Variants in ZPLD1 observed in about 807,000 individuals in gnomAD.
The protein encoded by ZPLD1 is zona pellucida-like domain-containing protein 1.
A neutral mutation model predicts 47.2 loss-of-function variants in ZPLD1; 34 were observed. The ratio of observed to expected loss-of-function variants is 0.72; its 90% CI spans 0.55 to 0.96. The LOEUF (loss-of-function observed/expected upper bound fraction) is 0.96, where lower values mean the gene tolerates loss of function less well. Ranked by LOEUF, ZPLD1 falls within the 40% of genes least tolerant of loss-of-function variation. ZPLD1 has a pLI of 0.00. For synonymous variants in ZPLD1, 176 were observed against 186.2 expected (o/e 0.95, Z 0.45); for missense variants, 512 against 505.8 (o/e 1.01, Z -0.12).
At chr3:102,408,486 G>A (rs767385533) in intron 7 of ZPLD1, among the ~76,000 whole-genome samples, 23 of 151,900 alleles carry the variant, frequency 1.5e-4, no homozygotes, top group Non-Finnish European at 2.9e-4. Context: ...AAAATTTAGC[G>A]AATAGATATT....
chr3:102,408,865 A>C (rs1000023668), intron 7 of ZPLD1, among the ~76,000 whole-genome samples: 1 of 151,810 alleles, frequency 6.6e-6, no homozygotes, highest in South Asian at 2.1e-4. Context: ...ATCAGTCTGG[A>C]AGTATAATAA....
intron 7 of ZPLD1, among the ~76,000 whole-genome samples, chr3:102,395,470 G>C (rs550636229): frequency 6.6e-6 from 1 of 152,170 alleles, no homozygotes. Flanking sequence ...ATGATGGAAA[G>C]GGGCCACAAG....
intron 6 of ZPLD1, among the ~76,000 whole-genome samples, chr3:102,389,039 C>A (rs1316493950): frequency 6.6e-6 from 1 of 152,142 alleles, no homozygotes; most frequent in Non-Finnish European, 1.5e-5. Flanking sequence ...TCTTTATCCC[C>A]ACATCATCAT....
intron 8 of ZPLD1, among the ~76,000 whole-genome samples, chr3:102,424,167 A>G (rs906921611): frequency 6.6e-6 from 1 of 152,180 alleles, no homozygotes; most frequent in Non-Finnish European, 1.5e-5. Flanking sequence ...ATTAATTACA[A>G]CATTGCATCA....
chr3:102,430,956 A>AT (rs1707009289), upstream of ZPLD1, among the ~76,000 whole-genome samples: 1 of 152,218 alleles, frequency 6.6e-6, no homozygotes, highest in Admixed American at 6.5e-5. Context: ...ATATGCTAGC[A>AT]TATCTTCAAA....
intron 6 of ZPLD1, among the ~76,000 whole-genome samples, chr3:102,389,022 T>C (rs1484714589): frequency 6.6e-6 from 1 of 152,200 alleles, no homozygotes; most frequent in Non-Finnish European, 1.5e-5. Context: ...TCTTCTGGGC[T>C]GTTTCTTCTT....
chr3:102,477,508 A>C lies in ZPLD1; in HGVS notation c.1138A>C (p.Ile380Leu). 1 of 1,613,868 alleles carries C rather than the reference A, an allele frequency of 6.2e-7. No homozygotes were observed. Among genetic ancestry groups the C allele is most frequent in the East Asian group, 2.2e-5 (1 of 44,878 alleles). The change falls in exon 12 of 12, where the codon ATT (isoleucine) becomes CTT (leucine). Residue 380 changes from isoleucine (I) to leucine (L), a missense_variant. Ile to Leu is a conservative substitution (Grantham distance 5). Coordinates refer to ENST00000466937, the MANE Select transcript of ZPLD1 (RefSeq NM_001329788.2). The part of the protein sequence containing the change: ...ITSALISGMV[I>L]LGVTSFSLLL... ...CAGCGCACTGATATCAGGAATGGTCATTCTGGGAGTTACGAGCTTTTCTCT... is the reference window on the plus strand; with the variant it reads ...CAGCGCACTGATATCAGGAATGGTCCTTCTGGGAGTTACGAGCTTTTCTCT...
At chr3:102,454,281 T>G (rs1707379936) in intron 4 of ZPLD1, among the ~76,000 whole-genome samples, 3 of 152,182 alleles carry the variant, frequency 2.0e-5, no homozygotes. Flanking sequence ...AAACGTTTAT[T>G]CAACTCTCTG....
intron 8 of ZPLD1, among the ~76,000 whole-genome samples, chr3:102,427,004 C>T (rs1341060080): frequency 6.6e-6 from 1 of 152,206 alleles, no homozygotes; most frequent in African/African-American, 2.4e-5. Flanking sequence ...CTGTTTGCTT[C>T]AACACCTTCC....
At chr3:102,455,163 A>G (rs1707393437) in intron 4 of ZPLD1, among the ~76,000 whole-genome samples, 1 of 152,254 alleles carries the variant, frequency 6.6e-6, no homozygotes. Context: ...TGTTAGGTTC[A>G]TGCATAAAGT....
At chr3:102,409,118 A>T (rs1706723339) in intron 7 of ZPLD1, among the ~76,000 whole-genome samples, 2 of 151,822 alleles carry the variant, frequency 1.3e-5, no homozygotes, top group Non-Finnish European at 2.9e-5. Context: ...TGGAAAGTTC[A>T]AGATCAAGGA....
intron 7 of ZPLD1, among the ~76,000 whole-genome samples, chr3:102,392,503 C>CCTTT (rs1363863113): frequency 2.9e-4 from 44 of 151,350 alleles, no homozygotes; most frequent in Middle Eastern, 3.4e-3. Flanking sequence ...GATCTCCCTT[C>CCTTT]CTTTCTTTCT....
chr3:102,471,022 C>G (rs1229559531), intron 10 of ZPLD1, among the ~76,000 whole-genome samples: 1 of 152,120 alleles, frequency 6.6e-6, no homozygotes, highest in Non-Finnish European at 1.5e-5. Context: ...CATAATCCAC[C>G]CACCTTGGCC....
At chr3:102,464,439 A>G (rs1425187589) in intron 8 of ZPLD1, among the ~76,000 whole-genome samples, 188 bp downstream of exon 8, 2 of 152,242 alleles carry the variant, frequency 1.3e-5, no homozygotes, top group Non-Finnish European at 2.9e-5. Context: ...TCAACACAAA[A>G]TGCTGATAAG....
upstream of ZPLD1, among the ~76,000 whole-genome samples, chr3:102,430,519 A>T (rs530869118): frequency 1.3e-5 from 2 of 152,332 alleles, no homozygotes; most frequent in South Asian, 4.1e-4. Context: ...CCTTGAGTCC[A>T]ATGCTTAGAA....
chr3:102,401,593 T>C (rs1219738815), intron 7 of ZPLD1, among the ~76,000 whole-genome samples: 7 of 152,102 alleles, frequency 4.6e-5, no homozygotes, highest in African/African-American at 1.7e-4. Context: ...TAATGTTCTT[T>C]GAAATGAAGG....
At chr3:102,435,632 T>C (rs966292991) in intron 1 of ZPLD1, among the ~76,000 whole-genome samples, 5 of 146,624 alleles carry the variant, frequency 3.4e-5, no homozygotes, top group African/African-American at 1.3e-4. Context: ...ATGATCATCA[T>C]CTTGATTTTT....
chr3:102,387,885 GTC>G (rs1201602259), intron 6 of ZPLD1, among the ~76,000 whole-genome samples: 1 of 127,032 alleles, frequency 7.9e-6, no homozygotes. Context: ...GTGAGACGGA[GTC>G]TCTCTCTCTG....
chr3:102,470,725 T>C (rs1022163925), intron 10 of ZPLD1, among the ~76,000 whole-genome samples: 11 of 148,778 alleles, frequency 7.4e-5, no homozygotes, highest in African/African-American at 2.0e-4. Context: ...CACACACACA[T>C]ACACACACAC....
Sources: allele counts gnomAD v4.1 joint callset (sites outside exome capture counted in the v4.1 genomes callset), GRCh38; gene constraint gnomAD v4.1.1; transcripts MANE v1.5; gene names NCBI Gene and HGNC (gene_info 2026-07-23, HGNC 2026-07-21).